DACH1: variants seen among roughly 807,000 people sequenced by gnomAD.
The protein encoded by DACH1 is dachshund family transcription factor 1, also known as dachshund homolog 1.
In DACH1, 12 loss-of-function variants were observed where a neutral mutation model predicts 54.2. That is an observed-to-expected ratio of 0.22 (90% CI 0.14 to 0.36). DACH1 has a LOEUF of 0.36. DACH1 is among the 10% of genes least tolerant of loss of function. The pLI, the probability that DACH1 is intolerant of heterozygous loss-of-function variation, is 1.00. For synonymous variants in DACH1, 386 were observed against 366.2 expected (o/e 1.05, Z -0.62); for missense variants, 805 against 929.8 (o/e 0.87, Z 1.75).
chr13:71,824,143 G>A (rs149506176), intron 1 of DACH1, among the ~76,000 whole-genome samples: 10 of 151,952 alleles, frequency 6.6e-5, no homozygotes, highest in Non-Finnish European at 1.2e-4. Flanking sequence ...CAACAGAGTT[G>A]TCACTTGCTG....
chr13:71,615,835 G>C (rs1449109633), intron 3 of DACH1, among the ~76,000 whole-genome samples: 1 of 152,178 alleles, frequency 6.6e-6, no homozygotes, highest in African/African-American at 2.4e-5. Context: ...GTTCATGTGT[G>C]TGTGTGTATG....
chr13:71,454,612 G>A (rs953513834), intron 10 of DACH1, among the ~76,000 whole-genome samples: 2 of 152,220 alleles, frequency 1.3e-5, no homozygotes, highest in Middle Eastern at 3.2e-3. Context: ...CGTGTGGCAA[G>A]GAACTGATGG....
chr13:71,818,081 G>C (rs1014705516), intron 1 of DACH1, among the ~76,000 whole-genome samples: 2 of 151,932 alleles, frequency 1.3e-5, no homozygotes, highest in African/African-American at 4.8e-5. Context: ...CCAAAGTGCT[G>C]GGATTACAGG....
chr13:71,527,973 A>T (rs1882124311), intron 6 of DACH1, among the ~76,000 whole-genome samples: 1 of 152,130 alleles, frequency 6.6e-6, no homozygotes, highest in Admixed American at 6.5e-5. Flanking sequence ...ACCATATAAC[A>T]GTTCAAGATG....
chr13:71,857,744 G>A (rs921519571), intron 1 of DACH1, among the ~76,000 whole-genome samples: 1 of 151,638 alleles, frequency 6.6e-6, no homozygotes, highest in Non-Finnish European at 1.5e-5. Context: ...TTAAGTGTAA[G>A]TGCCTAACTC....
intron 6 of DACH1, among the ~76,000 whole-genome samples, chr13:71,552,066 G>C (rs1883850748): frequency 6.6e-6 from 1 of 152,040 alleles, no homozygotes; most frequent in African/African-American, 2.4e-5. Context: ...GTTGTCACCA[G>C]TGAAAGAAAG....
chr13:71,807,419 CAAA>C (rs10688170), intron 1 of DACH1, among the ~76,000 whole-genome samples: 7 of 99,676 alleles, frequency 7.0e-5, no homozygotes, highest in Admixed American at 1.1e-4. Context: ...TCACAGATTG[CAAA>C]AAAAAAAAAA....
At chr13:71,573,276 C>A in intron 3 of DACH1, 1 of 609,188 alleles carries the variant, frequency 1.6e-6, no homozygotes, top group Non-Finnish European at 2.9e-6. Context: ...CTGAATCTTG[C>A]TTAAAATACT....
chr13:71,698,643 T>C (rs1050437788), intron 1 of DACH1, among the ~76,000 whole-genome samples: 6 of 152,150 alleles, frequency 3.9e-5, no homozygotes, highest in Non-Finnish European at 5.9e-5. Context: ...CATTAAAATA[T>C]ATATTATAGA....
chr13:71,664,439 G>T (rs1031598685), intron 2 of DACH1, among the ~76,000 whole-genome samples: 33 of 152,050 alleles, frequency 2.2e-4, no homozygotes, highest in African/African-American at 7.7e-4. Flanking sequence ...AGCCATAAAT[G>T]GTTGAAACAA....
chr13:71,567,823 C>T (rs1196048029), intron 4 of DACH1, among the ~76,000 whole-genome samples: 1 of 151,940 alleles, frequency 6.6e-6, no homozygotes, highest in African/African-American at 2.4e-5. Flanking sequence ...CTTCCTTTCA[C>T]TATTACTTCT....
At chr13:71,495,836 A>G (rs1158651117) in intron 6 of DACH1, among the ~76,000 whole-genome samples, 4 of 152,176 alleles carry the variant, frequency 2.6e-5, no homozygotes, top group Non-Finnish European at 5.9e-5. Flanking sequence ...AGAAATCGTT[A>G]TATCAAAAAG....
chr13:71,686,564 TAAG>T (rs1354870092), intron 1 of DACH1, among the ~76,000 whole-genome samples: 2 of 152,226 alleles, frequency 1.3e-5, no homozygotes, highest in African/African-American at 2.4e-5. Context: ...TAGTAATTAA[TAAG>T]AAGCTTAGTG....
chr13:71,801,126 T>C (rs1414956924), intron 1 of DACH1, among the ~76,000 whole-genome samples: 1 of 152,078 alleles, frequency 6.6e-6, no homozygotes, highest in Admixed American at 6.6e-5. Context: ...AAGTCCTCCA[T>C]CCCTAAATTC....
chr13:71,779,150 CATATATACGTATATACGTAT>C (rs747914321), intron 1 of DACH1, among the ~76,000 whole-genome samples: 24,754 of 121,926 alleles, frequency 0.2, 3,275 homozygotes, highest in Non-Finnish European at 0.24. Context: ...CATATATACA[CATATATACGTATATACGTAT>C]ATATATACAC....
At chr13:71,583,559 A>G (rs1278898695) in intron 3 of DACH1, among the ~76,000 whole-genome samples, 2 of 152,140 alleles carry the variant, frequency 1.3e-5, no homozygotes, top group East Asian at 3.9e-4. Flanking sequence ...AAGTATCTCC[A>G]TGGTCAGGCA....
rs778355424 is a variant in DACH1 at position 71,479,190 on chromosome 13, C to T, written c.1849G>A (p.Ala617Thr). 4 of 1,612,028 alleles carry T rather than the reference C, an allele frequency of 2.5e-6. No individual in the cohort carries two copies. The South Asian group carries it at 3.3e-5, about 13-fold the overall frequency. Residue 617 changes from alanine (A) to threonine (T), a missense_variant, in exon 8 of 11, where the codon GCT (alanine) becomes ACT (threonine). Around this residue, in one of 3 missense-constraint regions of DACH1, gnomAD observed 472 missense variants for 545.3 expected, o/e 0.87. Transcript: ENST00000613252. ...ATACCTCTATTCTTTTGTTCCATAG[C>T]CAACTGCTTCTCAAGTGTTTCCCTT... is the stretch of plus-strand genomic sequence containing the variant. ...ELRETLEKQL[A>T]MEQKNRAIVQ...
chr13:71,588,292 T>C (rs891221008), intron 3 of DACH1, among the ~76,000 whole-genome samples: 4 of 152,112 alleles, frequency 2.6e-5, no homozygotes, highest in Admixed American at 1.3e-4. Context: ...GTTTTCAATA[T>C]CCTGTTTCAA....
At chr13:71,627,586 A>C (rs760538159) in intron 3 of DACH1, among the ~76,000 whole-genome samples, 1 of 152,066 alleles carries the variant, frequency 6.6e-6, no homozygotes, top group Admixed American at 6.6e-5. Context: ...GATTCCTTCT[A>C]GAATTCATGT....
Sources: gnomAD v4.1 joint callset for allele counts (sites outside exome capture counted in the v4.1 genomes callset) on GRCh38, gnomAD v4.1.1 for gene constraint, gnomAD v4.1.1 regional missense constraint, MANE v1.5 for transcripts, NCBI Gene and HGNC (gene_info 2026-07-23, HGNC 2026-07-21) for gene names.